Variants in BTBD9 observed in about 807,000 individuals in gnomAD.
BTBD9 encodes BTB/POZ domain-containing protein 9.
Under a neutral mutation model 64.3 loss-of-function variants are expected in BTBD9, and 49 were observed. That is an observed-to-expected ratio of 0.76 (90% CI 0.61 to 0.97). The LOEUF is 0.97. Among genes scored for constraint, BTBD9 ranks in the 50% least tolerant of loss-of-function variants. The pLI is 0.00. For missense variants in BTBD9, 598 were observed against 762.1 expected (o/e 0.78, Z 2.53); for synonymous variants, 260 against 274.7 (o/e 0.95, Z 0.53).
chr6:38,368,490 G>A (rs1389964415), intron 6 of BTBD9, among the ~76,000 whole-genome samples: 3 of 151,968 alleles, frequency 2.0e-5, no homozygotes, highest in Non-Finnish European at 4.4e-5. Context: ...GCCTGCCACT[G>A]TGCCTGGCTA....
intron 1 of BTBD9, among the ~76,000 whole-genome samples, chr6:38,617,146 C>G (rs560551212): frequency 1.3e-5 from 2 of 152,286 alleles, no homozygotes; most frequent in South Asian, 4.2e-4. Flanking sequence ...CTCTAACAAC[C>G]CTTGCCTCTT....
Position 38,488,895 on chromosome 6 carries a change from T to C in BTBD9, c.1154+88705A>G, listed in dbSNP as rs1475753181. On this transcript the variant is annotated intron_variant, in intron 6 of 10. Coordinates refer to ENST00000481247, the MANE Select transcript of BTBD9 (RefSeq NM_001099272.2). The stretch of plus-strand genomic sequence containing the variant: ...CAACATTTTATTATTTCCTTGCAAC[T>C]TTTTTTTTTTTTTTTGAGACAGAAT... Among the ~76,000 whole-genome samples the C allele has an allele frequency of 8.2e-4, 10 of 12,166 alleles. No homozygotes were observed. In the South Asian group the frequency reaches 0.011, roughly 14 times the overall value. 8.0% of individuals were successfully genotyped at this position (12,166 alleles called of 152,430 possible). A position where few individuals can be genotyped will look rare whatever the true frequency, so the allele number is the denominator to read the frequency against.
chr6:38,264,300 AGG>A (rs1764897053), intron 8 of BTBD9, among the ~76,000 whole-genome samples: 1 of 152,206 alleles, frequency 6.6e-6, no homozygotes, highest in Admixed American at 6.5e-5. Context: ...GACCACCTGT[AGG>A]CTTCTGAGGA....
At chr6:38,201,878 A>G (rs551276338) in intron 9 of BTBD9, among the ~76,000 whole-genome samples, 91 of 152,184 alleles carry the variant, frequency 6.0e-4, no homozygotes, top group Non-Finnish European at 1.2e-3. Flanking sequence ...GAATAAATTT[A>G]ACCAAGGAGG....
chr6:38,266,660 AAGAAAGAAAGAAAG>A (rs1561947622), intron 8 of BTBD9, among the ~76,000 whole-genome samples: 2 of 132,486 alleles, frequency 1.5e-5, no homozygotes, highest in African/African-American at 6.2e-5. Context: ...GAAAGAAAGA[AAGAAAGAAAGAAAG>A]AAAGAAGAAA....
At chr6:38,331,473 C>T (rs1258946726) in intron 7 of BTBD9, among the ~76,000 whole-genome samples, 1 of 151,634 alleles carries the variant, frequency 6.6e-6, no homozygotes. Flanking sequence ...GACAGACTCC[C>T]TCTCAAAAAG....
At chr6:38,260,330 GAGGTTATTTTCCCC>G (rs1764747174) in intron 8 of BTBD9, among the ~76,000 whole-genome samples, 1 of 152,164 alleles carries the variant, frequency 6.6e-6, no homozygotes, top group African/African-American at 2.4e-5. Context: ...AGATAATGTT[GAGGTTATTTTCCCC>G]AGTGGGATTT....
chr6:38,228,369 A>AG (rs1554130234), intron 9 of BTBD9, among the ~76,000 whole-genome samples: 38 of 147,268 alleles, frequency 2.6e-4, no homozygotes, highest in East Asian at 2.2e-3. Flanking sequence ...AAAAAAAAAA[A>AG]AGAGAGAGAG....
intron 6 of BTBD9, among the ~76,000 whole-genome samples, chr6:38,425,047 T>G (rs1308584312): frequency 6.6e-6 from 1 of 151,090 alleles, no homozygotes; most frequent in African/African-American, 2.5e-5. Flanking sequence ...AACAGGCTGG[T>G]CGTGGTGATC....
intron 6 of BTBD9, among the ~76,000 whole-genome samples, chr6:38,364,012 G>A (rs1765086455): frequency 1.3e-5 from 2 of 152,082 alleles, no homozygotes; most frequent in Admixed American, 6.5e-5. Context: ...TGGTCACTTG[G>A]GGGTTACACT....
At chr6:38,540,094 T>G (rs918210629) in intron 6 of BTBD9, among the ~76,000 whole-genome samples, 4 of 152,170 alleles carry the variant, frequency 2.6e-5, no homozygotes, top group Non-Finnish European at 5.9e-5. Context: ...CTCCAAATTT[T>G]AAAATGGGGC....
At chr6:38,517,055 T>C (rs961756944) in intron 6 of BTBD9, among the ~76,000 whole-genome samples, 1 of 152,156 alleles carries the variant, frequency 6.6e-6, no homozygotes, top group African/African-American at 2.4e-5. Context: ...CCTGATAAAC[T>C]TGGAGAGACT....
At chr6:38,559,130 C>G (rs989003520) in intron 6 of BTBD9, among the ~76,000 whole-genome samples, 1 of 152,066 alleles carries the variant, frequency 6.6e-6, no homozygotes, top group Non-Finnish European at 1.5e-5. Context: ...CAATTTCTAC[C>G]TTATTCAATC....
At chr6:38,187,151 T>C (rs1305858342) in intron 10 of BTBD9, among the ~76,000 whole-genome samples, 1 of 152,248 alleles carries the variant, frequency 6.6e-6, no homozygotes, top group Non-Finnish European at 1.5e-5. Context: ...AGTGTGGCTC[T>C]GAGCACAGTC....
At chr6:38,516,094 C>A (rs931504265) in intron 6 of BTBD9, among the ~76,000 whole-genome samples, 1 of 152,038 alleles carries the variant, frequency 6.6e-6, no homozygotes, top group African/African-American at 2.4e-5. Flanking sequence ...ATAAGTAGAG[C>A]CTCAAAAAGG....
At chr6:38,187,362 G>A (rs1761863029) in intron 10 of BTBD9, among the ~76,000 whole-genome samples, 1 of 152,170 alleles carries the variant, frequency 6.6e-6, no homozygotes, top group South Asian at 2.1e-4. Context: ...CCACCTTAAA[G>A]TGACTGAGGA....
At chr6:38,638,456 T>C (rs1303259637) in intron 1 of BTBD9, among the ~76,000 whole-genome samples, 1 of 152,206 alleles carries the variant, frequency 6.6e-6, no homozygotes, top group Non-Finnish European at 1.5e-5. Flanking sequence ...GTGTGCTATA[T>C]AACAAATATC....
chr6:38,310,036 C>T (rs1476889007), intron 7 of BTBD9, among the ~76,000 whole-genome samples: 2 of 152,102 alleles, frequency 1.3e-5, no homozygotes, highest in African/African-American at 4.8e-5. Flanking sequence ...TCTCTTGTGC[C>T]TTAACCCTCA....
At chr6:38,529,344 G>A (rs1337196501) in intron 6 of BTBD9, among the ~76,000 whole-genome samples, 2 of 152,160 alleles carry the variant, frequency 1.3e-5, no homozygotes, top group African/African-American at 2.4e-5. Flanking sequence ...CCACCAGGGT[G>A]GTACCTCTAT....
Sources: allele counts gnomAD v4.1 joint callset (sites outside exome capture counted in the v4.1 genomes callset), GRCh38; gene constraint gnomAD v4.1.1; transcripts MANE v1.5; gene names NCBI Gene and HGNC (gene_info 2026-07-23, HGNC 2026-07-21).